The following SIPA1L3 variants were observed in gnomAD, a reference collection of about 807,000 sequenced individuals.
SIPA1L3 encodes signal induced proliferation associated 1 like 3, also known as signal-induced proliferation-associated 1-like protein 3.
SIPA1L3 carries 59 observed loss-of-function variants against 150.1 expected under a neutral mutation model. That is an observed-to-expected ratio of 0.39 (90% CI 0.32 to 0.49). The LOEUF (loss-of-function observed/expected upper bound fraction) is 0.49, where lower values mean the gene tolerates loss of function less well. Ranked by LOEUF, SIPA1L3 falls within the 20% of genes least tolerant of loss-of-function variation. The pLI, the probability that SIPA1L3 is intolerant of heterozygous loss-of-function variation, is 0.86. For synonymous variants in SIPA1L3, 1,070 were observed against 1,077.6 expected (o/e 0.99, Z 0.14); for missense variants, 2,211 against 2,489.5 (o/e 0.89, Z 2.38).
At chr19:38,106,430 G>T in intron 6 of SIPA1L3, 107 bp from the exon 7 acceptor site, 1 of 793,506 alleles carries the variant, frequency 1.3e-6, no homozygotes. Flanking sequence ...TTTAAGAGTA[G>T]ATTGAAGTGA....
At chr19:38,118,510 C>T (rs1483405005) in intron 8 of SIPA1L3, among the ~76,000 whole-genome samples, 1 of 151,918 alleles carries the variant, frequency 6.6e-6, no homozygotes, top group African/African-American at 2.4e-5. Flanking sequence ...GTTCAGACAT[C>T]TGCTTTATAG....
chr19:37,941,583 C>T (rs1362555104), intron 1 of SIPA1L3, among the ~76,000 whole-genome samples: 2 of 151,910 alleles, frequency 1.3e-5, no homozygotes, highest in Non-Finnish European at 2.9e-5. Context: ...TGAACCAGTC[C>T]AGTCATCTCA....
At chr19:37,930,808 C>G (rs558972454) in intron 1 of SIPA1L3, among the ~76,000 whole-genome samples, 1 of 152,074 alleles carries the variant, frequency 6.6e-6, no homozygotes, top group Non-Finnish European at 1.5e-5. Flanking sequence ...CATCAAAGCA[C>G]GTGACATGCT....
rs889476473 is a variant in SIPA1L3, at chr19:38,150,529, C to G, written c.3534-2311C>G. ...CAACCAGGGAATTGCAATATCAACA[C>G]TTTTTTTTTTTTTTTTTTTTTGAAA... On this transcript the variant is annotated intron_variant, in intron 12 of 21. Transcript: ENST00000222345. Among the ~76,000 whole-genome samples the G allele has an allele frequency of 1.1e-4, 13 of 119,838 alleles. No homozygotes were observed. In the South Asian group the frequency reaches 2.7e-3, roughly 25 times the overall value. The allele number at this position is 119,838 out of a possible 152,430, so 78.6% of individuals were successfully genotyped here.
chr19:38,000,476 C>CAAAAAAA (rs931671031), intron 1 of SIPA1L3, among the ~76,000 whole-genome samples: 1 of 44,036 alleles, frequency 2.3e-5, no homozygotes, highest in Non-Finnish European at 4.6e-5. Flanking sequence ...GACTCTGTCT[C>CAAAAAAA]AAAAAAAAAA....
chr19:37,950,023 G>A (rs1391742172), intron 1 of SIPA1L3, among the ~76,000 whole-genome samples: 1 of 142,206 alleles, frequency 7.0e-6, no homozygotes, highest in Non-Finnish European at 1.5e-5. Context: ...GTTGCAGTGA[G>A]CCAAGATGGC....
At chr19:38,039,415 C>T (rs1004267297) in intron 2 of SIPA1L3, among the ~76,000 whole-genome samples, 26 of 145,070 alleles carry the variant, frequency 1.8e-4, no homozygotes, top group Admixed American at 5.5e-4. Context: ...GGGTGGGGGT[C>T]GGGCATGGTG....
intron 1 of SIPA1L3, among the ~76,000 whole-genome samples, chr19:38,027,349 C>A (rs1269008762): frequency 1.3e-5 from 2 of 152,072 alleles, no homozygotes; most frequent in African/African-American, 4.8e-5. Flanking sequence ...AGTAGGAGTC[C>A]CTGGCATGAG....
chr19:38,045,813 G>A (rs986871954), intron 2 of SIPA1L3, among the ~76,000 whole-genome samples: 1 of 152,060 alleles, frequency 6.6e-6, no homozygotes, highest in African/African-American at 2.4e-5. Context: ...CAGGTGGGGA[G>A]GAACTGGGTG....
chr19:38,094,305 A>G (rs1274877572), intron 4 of SIPA1L3, among the ~76,000 whole-genome samples: 1 of 152,098 alleles, frequency 6.6e-6, no homozygotes, highest in African/African-American at 2.4e-5. Flanking sequence ...CTGAAGTGCA[A>G]TGGTGCAGTC....
intron 1 of SIPA1L3, among the ~76,000 whole-genome samples, chr19:37,998,414 A>G (rs1187362904): frequency 6.6e-6 from 1 of 152,212 alleles, no homozygotes; most frequent in Non-Finnish European, 1.5e-5. Flanking sequence ...GACATGTAAG[A>G]AAATGTCCAT....
At chr19:37,909,029 A>G (rs2046357767) in intron 1 of SIPA1L3, among the ~76,000 whole-genome samples, 1 of 152,224 alleles carries the variant, frequency 6.6e-6, no homozygotes, top group Admixed American at 6.6e-5. Flanking sequence ...TCCTGGAACC[A>G]GTAGTCACCA....
chr19:38,200,187 C>T (rs932224752), intron 19 of SIPA1L3: 8 of 152,226 alleles, frequency 5.3e-5, no homozygotes, highest in African/African-American at 1.9e-4. Flanking sequence ...ATTCTCCTGC[C>T]TCAGCCTCCT....
chr19:38,091,177 G>A (rs1289311406), intron 4 of SIPA1L3, among the ~76,000 whole-genome samples: 1 of 152,138 alleles, frequency 6.6e-6, no homozygotes, highest in East Asian at 1.9e-4. Flanking sequence ...CTTGAGCCCT[G>A]GAGTTCGAGA....
At chr19:38,154,073 A>T (rs1971889557) in intron 13 of SIPA1L3, among the ~76,000 whole-genome samples, 1 of 152,124 alleles carries the variant, frequency 6.6e-6, no homozygotes, top group Admixed American at 6.6e-5. Context: ...CCCCAAAGGA[A>T]CCCTGTCCTA....
intron 1 of SIPA1L3, among the ~76,000 whole-genome samples, chr19:37,977,918 T>A (rs73036634): frequency 0.29 from 44,389 of 152,064 alleles, 7,235 homozygotes; most frequent in Non-Finnish European, 0.37. Flanking sequence ...GTTTCCTCAA[T>A]GAATAAACAC....
chr19:38,075,123 G>T (rs1969810117), intron 2 of SIPA1L3, among the ~76,000 whole-genome samples: 1 of 152,198 alleles, frequency 6.6e-6, no homozygotes, highest in African/African-American at 2.4e-5. Flanking sequence ...ATGTATACAT[G>T]AATTTTTTTC....
intron 9 of SIPA1L3, among the ~76,000 whole-genome samples, chr19:38,125,953 C>T (rs1971161396): frequency 6.6e-6 from 1 of 152,190 alleles, no homozygotes; most frequent in Non-Finnish European, 1.5e-5. Flanking sequence ...GCGGGTGGAT[C>T]ACCAGGTCAA....
At chr19:37,962,849 G>A (rs1337036604) in intron 1 of SIPA1L3, among the ~76,000 whole-genome samples, 2 of 152,100 alleles carry the variant, frequency 1.3e-5, no homozygotes, top group Non-Finnish European at 2.9e-5. Context: ...TAGCAGCTGT[G>A]GATTCTGATT....
Sources: gnomAD v4.1 joint callset for allele counts (sites outside exome capture counted in the v4.1 genomes callset) on GRCh38, gnomAD v4.1.1 for gene constraint, MANE v1.5 for transcripts, NCBI Gene and HGNC (gene_info 2026-07-23, HGNC 2026-07-21) for gene names.